HS3ST5: variants seen among roughly 807,000 people sequenced by gnomAD.
HS3ST5 encodes heparan sulfate-glucosamine 3-sulfotransferase 5.
HS3ST5 carries 10 observed loss-of-function variants against 25.4 expected under a neutral mutation model. That is an observed-to-expected ratio of 0.39 (90% confidence interval 0.24 to 0.67). The LOEUF (loss-of-function observed/expected upper bound fraction) is 0.67, where lower values mean the gene tolerates loss of function less well. Ranked by LOEUF, HS3ST5 falls within the 30% of genes least tolerant of loss-of-function variation. The pLI, the probability that HS3ST5 is intolerant of heterozygous loss-of-function variation, is 0.44. For synonymous variants in HS3ST5, 170 were observed against 162.4 expected (o/e 1.05, Z -0.36); for missense variants, 324 against 420.7 (o/e 0.77, Z 2.01).
At chr6:114,322,773 A>T (rs1326293745) in intron 1 of HS3ST5, among the ~76,000 whole-genome samples, 1 of 152,180 alleles carries the variant, frequency 6.6e-6, no homozygotes, top group African/African-American at 2.4e-5. Flanking sequence ...TAGCTATATT[A>T]CTGCGATATG....
chr6:114,165,901 G>A (rs1448561364), intron 3 of HS3ST5, among the ~76,000 whole-genome samples: 1 of 152,064 alleles, frequency 6.6e-6, no homozygotes, highest in Admixed American at 6.6e-5. Flanking sequence ...AAAAACCTAA[G>A]CCAGGCACGC....
chr6:114,250,320 G>A (rs576613691), intron 1 of HS3ST5, among the ~76,000 whole-genome samples: 5 of 152,302 alleles, frequency 3.3e-5, no homozygotes, highest in African/African-American at 1.2e-4. Context: ...GATGGCTCAG[G>A]CCTGTAATCC....
intron 3 of HS3ST5, among the ~76,000 whole-genome samples, chr6:114,083,631 T>A (rs989556495): frequency 2.6e-5 from 4 of 152,246 alleles, no homozygotes; most frequent in Non-Finnish European, 5.9e-5. Flanking sequence ...TCTTCTCTTT[T>A]ACTTTGGTGT....
Position 114,057,223 on chromosome 6 carries a change from A to C in HS3ST5, c.*34T>G, listed in dbSNP as rs1228845949. ...TCTACAGGAGACATTGTGTGTCTCCAGGCACAACACATAGTGTTGTATGAC... is the reference window on the plus strand; with the variant it reads ...TCTACAGGAGACATTGTGTGTCTCCCGGCACAACACATAGTGTTGTATGAC... On this transcript the variant is annotated 3_prime_UTR_variant, in exon 5 of 5. Coordinates refer to ENST00000312719, the MANE Select transcript of HS3ST5 (RefSeq NM_153612.4). The C allele has an allele frequency of 1.4e-6, 2 of 1,430,650 alleles. No individual in the cohort carries two copies. The highest frequency in any genetic ancestry group is 3.7e-5 in the Admixed American group (2 of 53,416). 88.6% of individuals were successfully genotyped at this position (1,430,650 alleles called of 1,614,324 possible).
chr6:114,090,208 A>G (rs1562192731), intron 3 of HS3ST5, among the ~76,000 whole-genome samples: 1 of 152,236 alleles, frequency 6.6e-6, no homozygotes, highest in Non-Finnish European at 1.5e-5. Context: ...AGGTTGCCTC[A>G]CAGGAAATCT....
chr6:114,160,139 A>G (rs1374767058), intron 3 of HS3ST5, among the ~76,000 whole-genome samples: 1 of 152,174 alleles, frequency 6.6e-6, no homozygotes, highest in Non-Finnish European at 1.5e-5. Flanking sequence ...TCAACTCCAC[A>G]TAGTTGTATG....
chr6:114,123,622 T>C (rs577552278), intron 3 of HS3ST5, among the ~76,000 whole-genome samples: 122 of 152,322 alleles, frequency 8.0e-4, no homozygotes, highest in African/African-American at 2.9e-3. Flanking sequence ...AGCATATAGA[T>C]CCACAATCCC....
intron 2 of HS3ST5, among the ~76,000 whole-genome samples, chr6:114,213,779 T>C (rs1781623957): frequency 6.6e-6 from 1 of 152,124 alleles, no homozygotes; most frequent in African/African-American, 2.4e-5. Flanking sequence ...TCAAAATCTT[T>C]CACTATTTTA....
intron 3 of HS3ST5, among the ~76,000 whole-genome samples, chr6:114,156,800 T>C (rs1778718668): frequency 6.6e-6 from 1 of 152,180 alleles, no homozygotes; most frequent in Non-Finnish European, 1.5e-5. Flanking sequence ...TCTGTAGCTA[T>C]TCCTTCTCGG....
intron 1 of HS3ST5, among the ~76,000 whole-genome samples, chr6:114,245,820 G>A (rs1186043792): frequency 6.6e-6 from 1 of 152,210 alleles, no homozygotes; most frequent in African/African-American, 2.4e-5. Flanking sequence ...CAGGCGTTAT[G>A]CATACAGGTG....
chr6:114,285,988 C>A (rs7746002), intron 1 of HS3ST5, among the ~76,000 whole-genome samples: 36,549 of 151,396 alleles, frequency 0.24, 4,930 homozygotes, highest in Non-Finnish European at 0.31. Context: ...TAAAAAAAAT[C>A]GAAATATACA....
At chr6:114,136,280 C>T (rs1460775786) in intron 3 of HS3ST5, among the ~76,000 whole-genome samples, 5 of 152,162 alleles carry the variant, frequency 3.3e-5, no homozygotes, top group Non-Finnish European at 7.4e-5. Flanking sequence ...GCAGGTCTTT[C>T]CCATGCTGTT....
intron 1 of HS3ST5, among the ~76,000 whole-genome samples, chr6:114,253,638 G>A (rs1194749784): frequency 6.6e-6 from 1 of 152,164 alleles, no homozygotes; most frequent in Non-Finnish European, 1.5e-5. Context: ...AGGTCTCCAA[G>A]TTCAGACATG....
intron 1 of HS3ST5, among the ~76,000 whole-genome samples, chr6:114,339,645 C>T (rs750312764): frequency 3.9e-5 from 6 of 152,080 alleles, no homozygotes; most frequent in Non-Finnish European, 8.8e-5. Flanking sequence ...GGCATTACTC[C>T]ATAGAAATCA....
intron 1 of HS3ST5, among the ~76,000 whole-genome samples, chr6:114,287,706 T>G (rs1011292281): frequency 6.6e-6 from 1 of 152,024 alleles, no homozygotes; most frequent in Non-Finnish European, 1.5e-5. Context: ...TTTTCTGACA[T>G]GTATTCAAAT....
chr6:114,197,156 G>A (rs1297546704), intron 2 of HS3ST5, among the ~76,000 whole-genome samples: 2 of 147,696 alleles, frequency 1.4e-5, no homozygotes, highest in African/African-American at 5.0e-5. Flanking sequence ...TTTTTAATGA[G>A]TACTTTATTT....
chr6:114,063,177 T>C (rs1418815661), intron 3 of HS3ST5, among the ~76,000 whole-genome samples: 1 of 151,726 alleles, frequency 6.6e-6, no homozygotes, highest in African/African-American at 2.4e-5. Flanking sequence ...AGTGTGTTTG[T>C]GTGTGTGTGT....
chr6:114,248,005 G>C (rs183000763), intron 1 of HS3ST5, among the ~76,000 whole-genome samples: 48 of 151,680 alleles, frequency 3.2e-4, no homozygotes, highest in African/African-American at 1.1e-3. Context: ...TTCGAGACCA[G>C]CCCAGCCAAC....
chr6:114,316,817 A>T (rs562909047), intron 1 of HS3ST5, among the ~76,000 whole-genome samples: 1 of 152,230 alleles, frequency 6.6e-6, no homozygotes, highest in Admixed American at 6.5e-5. Context: ...TATATTTTAG[A>T]TAAGATTAAA....
Sources: allele counts gnomAD v4.1 joint callset (sites outside exome capture counted in the v4.1 genomes callset), GRCh38; gene constraint gnomAD v4.1.1; transcripts MANE v1.5; gene names NCBI Gene and HGNC (gene_info 2026-07-23, HGNC 2026-07-21).